Variants in VWA3A observed in about 807,000 individuals in gnomAD.
The protein encoded by VWA3A is von Willebrand factor A domain containing 3A, also known as von Willebrand factor A domain-containing protein 3A.
VWA3A carries 134 observed loss-of-function variants against 160.4 expected under a neutral mutation model. The observed-to-expected ratio is 0.84, with a 90% CI of 0.73 to 0.96. The LOEUF (loss-of-function observed/expected upper bound fraction) is 0.96, where lower values mean the gene tolerates loss of function less well. Among genes scored for constraint, VWA3A ranks in the 40% least tolerant of loss-of-function variants. The pLI, the probability that VWA3A is intolerant of heterozygous loss-of-function variation, is 0.00. For missense variants in VWA3A, 1,310 were observed against 1,447.9 expected (o/e 0.90, Z 1.55); for synonymous variants, 476 against 543.4 (o/e 0.88, Z 1.72).
intron 20 of VWA3A, 143 bp downstream of exon 20, chr16:22,133,238 T>C: frequency 1.1e-6 from 1 of 939,814 alleles, no homozygotes; most frequent in Non-Finnish European, 1.6e-6. Flanking sequence ...CCTCTGAAGA[T>C]AGATAGCAGT....
chr16:22,139,586 C>T (rs1214975488), intron 22 of VWA3A, among the ~76,000 whole-genome samples: 1 of 152,002 alleles, frequency 6.6e-6, no homozygotes, highest in Non-Finnish European at 1.5e-5. Context: ...CCCAGCTACT[C>T]GGGAAGCTGA....
intron 25 of VWA3A, among the ~76,000 whole-genome samples, chr16:22,143,747 TTC>T (rs200520369): frequency 5.0e-4 from 53 of 106,286 alleles, no homozygotes; most frequent in East Asian, 2.0e-3. Flanking sequence ...CTTTCTTTCT[TTC>T]TTTTTTTTTT....
chr16:22,092,681 G>T, intron 1 of VWA3A, 30 bp downstream of exon 1: 1 of 1,550,372 alleles, frequency 6.5e-7, no homozygotes, highest in Non-Finnish European at 8.7e-7. Flanking sequence ...GGGTTGACAG[G>T]GGTGGTGAGA....
Position 22,150,704 on chromosome 16 carries a change from A to G in VWA3A, c.3139A>G (p.Ser1047Gly), listed in dbSNP as rs2046333140. ...TCCTGCGTTCTTTCAGAAAGCTTTCAGTTTCCATGATCTGGAAGGATTGTA... is the reference window on the plus strand; with the variant it reads ...TCCTGCGTTCTTTCAGAAAGCTTTCGGTTTCCATGATCTGGAAGGATTGTA... ...SILQALLKAF[S>G]FHDLEGLYLL... The change falls in exon 30 of 34, where the codon AGT (serine) becomes GGT (glycine). Residue 1047 changes from serine (S) to glycine (G), a missense_variant. Coordinates refer to ENST00000389398, the MANE Select transcript of VWA3A (RefSeq NM_173615.5). 6.2e-7 allele frequency: 1 copy of G among 1,608,496 alleles called. No individual in the cohort carries two copies. Among genetic ancestry groups the G allele is most frequent in the Non-Finnish European group, 8.5e-7 (1 of 1,177,372 alleles).
chr16:22,155,233 T>C (rs1272755368), intron 31 of VWA3A, among the ~76,000 whole-genome samples: 1 of 152,060 alleles, frequency 6.6e-6, no homozygotes, highest in Non-Finnish European at 1.5e-5. Flanking sequence ...CAGATTCTAC[T>C]GAATAGCGCT....
rs534614620 is a variant in VWA3A, at chr16:22,097,677, C to T, written c.207C>T (p.Asn69=). 3.6e-4 allele frequency: 558 copies of T among 1,551,652 alleles called. 5 individuals carry two copies. In the East Asian group the frequency reaches 0.013, roughly 37 times the overall value. ...ATGGATTATTGGTTACACATGTTAA[C>T]CAGACACAGGACTTACTGGTAAAGA... is the stretch of plus-strand genomic sequence containing the variant. ...SDNGLLVTHV[N]QTQDLLRLQG... The change falls in exon 3 of 34, where the codon AAC becomes AAT. Residue 69 remains asparagine (N), a synonymous_variant. Coordinates refer to ENST00000389398, the MANE Select transcript of VWA3A (RefSeq NM_173615.5).
At chr16:22,115,758 G>T (rs1026255711) in intron 9 of VWA3A, among the ~76,000 whole-genome samples, 2 of 150,154 alleles carry the variant, frequency 1.3e-5, no homozygotes, top group Non-Finnish European at 3.0e-5. Context: ...GATTGATTAA[G>T]CCCAGGAGTT....
At chr16:22,155,527 C>A in intron 31 of VWA3A, 40 bp from the exon 32 acceptor site, 1 of 1,580,024 alleles carries the variant, frequency 6.3e-7, no homozygotes, top group Non-Finnish European at 8.7e-7. Context: ...TTTCAGCTCC[C>A]ATCCAGTCAT....
Position 22,131,672 on chromosome 16 carries a change from C to A in VWA3A, c.1815C>A (p.Asp605Glu), listed in dbSNP as rs370236725. 8.9e-5 allele frequency: 143 copies of A among 1,614,020 alleles called. No individual in the cohort carries two copies. The highest frequency in any genetic ancestry group is 1.2e-4 in the Non-Finnish European group (137 of 1,179,882). ...KAVEVDFKDK[D>E]KHQSQGIYLF... is the part of the protein sequence containing the mutation. ...TGGAAGTAGACTTCAAGGACAAAGA[C>A]AAACACCAATCGCAGGGAATCTACC... The change falls in exon 19 of 34, where the codon GAC (aspartate) becomes GAA (glutamate). Residue 605 changes from aspartate (D) to glutamate (E), a missense_variant. Physicochemically the swap from Asp to Glu is conservative, Grantham distance 45. Transcript: ENST00000389398.
At chr16:22,151,128 A>C (rs2046341098) in intron 30 of VWA3A, among the ~76,000 whole-genome samples, 1 of 152,010 alleles carries the variant, frequency 6.6e-6, no homozygotes, top group East Asian at 1.9e-4. Context: ...AAAAATACAA[A>C]AATTAGACAG....
In VWA3A at chr16:22,110,997, G is replaced by T; in HGVS notation, c.689+3G>T. 1 of 1,599,262 alleles carries T rather than the reference G, an allele frequency of 6.3e-7. No homozygotes were observed. Among genetic ancestry groups the T allele is most frequent in the South Asian group, 1.1e-5 (1 of 88,262 alleles). On this transcript the variant is annotated splice_donor_region_variant and intron_variant, in intron 8 of 33. Transcript: ENST00000389398. ...CCCATGGAAGTCAGCGCCTCCACGT[G>T]AGTGGCTTTCCTACCTGACGGTGAT...
At chr16:22,121,755 A>C in intron 14 of VWA3A, 138 bp downstream of exon 14, 1 of 667,594 alleles carries the variant, frequency 1.5e-6, no homozygotes. Context: ...TGCACATCAA[A>C]TCCACTGTAG....
At chr16:22,134,632 C>T (rs889993375) in intron 21 of VWA3A, among the ~76,000 whole-genome samples, 194 bp downstream of exon 21, 1 of 152,054 alleles carries the variant, frequency 6.6e-6, no homozygotes, top group African/African-American at 2.4e-5. Flanking sequence ...CTTTCCTTGC[C>T]CCTCCCTGGC....
intron 17 of VWA3A, 101 bp from the exon 18 acceptor site, chr16:22,131,104 A>G (rs2045938396): frequency 9.7e-7 from 1 of 1,026,256 alleles, no homozygotes; most frequent in Non-Finnish European, 1.5e-6. Context: ...AGGGGATCTC[A>G]TCAGAATTTT....
At chr16:22,100,524 C>T in intron 5 of VWA3A, 31 bp downstream of exon 5, 1 of 1,539,604 alleles carries the variant, frequency 6.5e-7, no homozygotes, top group East Asian at 2.4e-5. Context: ...CCTCCCAACA[C>T]CACAGAACTC....
chr16:22,150,823 C>G lies in VWA3A; in HGVS notation c.3258C>G (p.Thr1086=). The change falls in exon 30 of 34, where the codon ACC becomes ACG. Residue 1086 remains threonine, a synonymous_variant. Coordinates refer to ENST00000389398, the MANE Select transcript of VWA3A (RefSeq NM_173615.5). ...LREKRDVKVH[T]ISLNCSDRAA... ...AGAAAAGAGATGTGAAAGTGCACACCATTTCCTTGAACTGCTCAGACAGGT... is the reference window on the plus strand; with the variant it reads ...AGAAAAGAGATGTGAAAGTGCACACGATTTCCTTGAACTGCTCAGACAGGT... 2 of 1,613,462 alleles carry G rather than the reference C, an allele frequency of 1.2e-6. No homozygotes were observed. The highest frequency in any genetic ancestry group is 1.7e-6 in the Non-Finnish European group (2 of 1,179,686).
At chr16:22,124,073 G>T (rs1332108209) in intron 16 of VWA3A, among the ~76,000 whole-genome samples, 4 of 151,594 alleles carry the variant, frequency 2.6e-5, no homozygotes, top group Non-Finnish European at 4.4e-5. Flanking sequence ...CACTTAGGAG[G>T]CTGAGGCAGG....
At chr16:22,115,860 A>C (rs2045623391) in intron 9 of VWA3A, among the ~76,000 whole-genome samples, 1 of 7,652 alleles carries the variant, frequency 1.3e-4, no homozygotes, top group Non-Finnish European at 2.1e-4. Flanking sequence ...GAAGGAAGGA[A>C]GGAAGGAAGG....
intron 26 of VWA3A, among the ~76,000 whole-genome samples, chr16:22,145,699 C>T (rs1382858126): frequency 6.6e-6 from 1 of 150,580 alleles, no homozygotes; most frequent in Non-Finnish European, 1.5e-5. Context: ...ACTGCATTTA[C>T]CAAAAAAAAA....
Sources: gnomAD v4.1 joint callset for allele counts (sites outside exome capture counted in the v4.1 genomes callset) on GRCh38, gnomAD v4.1.1 for gene constraint, MANE v1.5 for transcripts, NCBI Gene and HGNC (gene_info 2026-07-23, HGNC 2026-07-21) for gene names.